Variants in FECH observed in about 807,000 individuals in gnomAD.
The protein encoded by FECH is ferrochelatase, mitochondrial.
In FECH, 40 loss-of-function variants were observed where a neutral mutation model predicts 56.9. The observed-to-expected ratio is 0.70, with a 90% confidence interval of 0.55 to 0.92. The LOEUF is 0.92. Ranked by LOEUF, FECH falls within the 40% of genes least tolerant of loss-of-function variation. The probability of loss-of-function intolerance (pLI) is 0.00; values close to 1 mark genes in which losing one functional copy is unlikely to be tolerated. For missense variants in FECH, 431 were observed against 529.1 expected, an observed-to-expected ratio of 0.81 and a Z score of 1.82; for synonymous variants, 175 against 198.6, an observed-to-expected ratio of 0.88 and a Z score of 1.00.
intron 2 of FECH, among the ~76,000 whole-genome samples, chr18:57,577,130 T>C (rs991998380): frequency 5.3e-5 from 8 of 152,160 alleles, no homozygotes; most frequent in Non-Finnish European, 7.4e-5. Context: ...GAAAAAGTAA[T>C]ACGATCCCAG....
chr18:57,556,910 C>CAA (rs57650194), intron 7 of FECH, among the ~76,000 whole-genome samples: 1 of 44,370 alleles, frequency 2.3e-5, no homozygotes, highest in Non-Finnish European at 4.0e-5. Context: ...GACCCTGTCT[C>CAA]AAAAAAAAAA....
chr18:57,574,303 G>A (rs1454024769), intron 2 of FECH, among the ~76,000 whole-genome samples: 1 of 152,118 alleles, frequency 6.6e-6, no homozygotes, highest in African/African-American at 2.4e-5. Context: ...TTAAGTTATT[G>A]CTTGCTCCTC....
In FECH at chr18:57,550,512, A is replaced by G; in HGVS notation, c.*200T>C. The G allele has an allele frequency of 3.4e-6, 2 of 589,880 alleles. No individual in the cohort carries two copies. Among genetic ancestry groups the G allele is most frequent in the Non-Finnish European group, 5.9e-6 (2 of 340,664 alleles). 36.5% of individuals were successfully genotyped at this position (589,880 alleles called of 1,614,324 possible). A position where few individuals can be genotyped will look rare whatever the true frequency, so the allele number is the denominator to read the frequency against. On this transcript the variant is annotated 3_prime_UTR_variant, in exon 11 of 11. Coordinates refer to ENST00000262093, the MANE Select transcript of FECH (RefSeq NM_000140.5). ...TTATACCTAGAGAGAGAAAATACAA[A>G]TGCTTACTGTATAGTTATATAAAAA...
At chr18:57,580,017 T>C in intron 2 of FECH, 56 bp downstream of exon 2, 1 of 1,610,554 alleles carries the variant, frequency 6.2e-7, no homozygotes, top group Non-Finnish European at 8.5e-7. Context: ...TTGTGTCTAT[T>C]GGTGTCTGCA....
chr18:57,551,521 A>G, intron 9 of FECH, 147 bp from the exon 10 acceptor site: 1 of 684,140 alleles, frequency 1.5e-6, no homozygotes, highest in South Asian at 1.6e-5. Context: ...ACTGCTCATT[A>G]ATGAAAAATA....
At position 57,547,015 on chromosome 18, in the gene FECH, T is replaced by C. The variant is rs2050729513; in HGVS notation, c.*3697A>G. ...CCTGCCGGGTTTCAGACTTGCACAGTGGAGTGCAGTGGTGCATGGGGCCTG... is the reference window on the plus strand; with the variant it reads ...CCTGCCGGGTTTCAGACTTGCACAGCGGAGTGCAGTGGTGCATGGGGCCTG... On this transcript the variant is annotated 3_prime_UTR_variant, in exon 11 of 11. Transcript: ENST00000262093. 6.6e-6 allele frequency among the ~76,000 whole-genome samples: 1 copy of C among 151,614 alleles called. No individual in the cohort carries two copies. Among genetic ancestry groups the C allele is most frequent in the African/African-American group, 2.4e-5 (1 of 41,224 alleles).
intron 7 of FECH, among the ~76,000 whole-genome samples, chr18:57,558,212 T>G (rs2050892779): frequency 6.6e-6 from 1 of 152,264 alleles, no homozygotes; most frequent in Admixed American, 6.5e-5. Context: ...TAGGATAGAA[T>G]GCTAGTTCTG....
chr18:57,583,721 G>T (rs556639854), intron 1 of FECH, among the ~76,000 whole-genome samples: 2 of 152,310 alleles, frequency 1.3e-5, no homozygotes, highest in South Asian at 4.1e-4. Flanking sequence ...AGCACTTTGG[G>T]AGGCCGAGGC....
Position 57,580,300 on chromosome 18 carries a change from T to A in FECH, c.68-101A>T, listed in dbSNP as rs906454901. 8.4e-6 allele frequency: 12 copies of A among 1,434,554 alleles called. No homozygotes were observed. The African/African-American group carries it at 1.3e-4, about 15-fold the overall frequency. 88.9% of individuals were successfully genotyped at this position (1,434,554 alleles called of 1,614,324 possible). A position where few individuals can be genotyped will look rare whatever the true frequency, so the allele number is the denominator to read the frequency against. On this transcript the variant is annotated intron_variant, in intron 1 of 10. Transcript: ENST00000262093. ...TTCCTGACTTTAAAATTTAAAGAGA[T>A]CCCATGGCAGAAATGATTTTCCTAG...
At position 57,551,170 on chromosome 18, in the gene FECH, G is replaced by A. The variant is rs1445316679; in HGVS notation, c.1137+145C>T. 4 of 699,576 alleles carry A rather than the reference G, an allele frequency of 5.7e-6. No homozygotes were observed. In the East Asian group the frequency reaches 1.1e-4, roughly 19 times the overall value. 43.3% of individuals were successfully genotyped at this position (699,576 alleles called of 1,614,324 possible). On this transcript the variant is annotated intron_variant, in intron 10 of 10. Coordinates refer to ENST00000262093, the MANE Select transcript of FECH (RefSeq NM_000140.5). ...GGCTATCTGAAGGAAAAAAGACTGA[G>A]CAGATAAGGAATTCGATTTTATTTT...
chr18:57,550,785 G>T lies in FECH; in HGVS notation c.1199C>A (p.Thr400Asn), dbSNP rs781302666. The change falls in exon 11 of 11, where the codon ACC becomes AAC. Residue 400 changes from threonine (T) to asparagine (N), a missense_variant. Thr to Asn is a moderately conservative substitution (Grantham distance 65). Transcript: ENST00000262093. ...ATTGACACAGAGCGGACAGCTCAGGGTCAGCTGCTTGGAACACAGCTCGTT... is the reference window on the plus strand; with the variant it reads ...ATTGACACAGAGCGGACAGCTCAGGTTCAGCTGCTTGGAACACAGCTCGTT... ...QSNELCSKQL[T>N]LSCPLCVNPV... is the part of the protein sequence containing the mutation. The T allele has an allele frequency of 1.9e-6, 3 of 1,614,166 alleles. 1 individual carries two copies. The South Asian group carries it at 3.3e-5, about 18-fold the overall frequency.
chr18:57,554,144 C>A, intron 9 of FECH, 116 bp downstream of exon 9: 1 of 1,072,790 alleles, frequency 9.3e-7, no homozygotes, highest in Non-Finnish European at 1.4e-6. Context: ...ATGAGGACAC[C>A]GTACATGCAA....
chr18:57,586,310 A>G (rs982270640), intron 1 of FECH, among the ~76,000 whole-genome samples: 2 of 152,208 alleles, frequency 1.3e-5, no homozygotes, highest in Non-Finnish European at 2.9e-5. Flanking sequence ...CAAGCCACCC[A>G]GCCGACCGAT....
chr18:57,566,871 A>G (rs75944325), intron 4 of FECH, among the ~76,000 whole-genome samples: 3,689 of 152,244 alleles, frequency 0.024, 147 homozygotes, highest in African/African-American at 0.084. Context: ...TGGCTGGCAT[A>G]AGAGAGCCTC....
chr18:57,555,066 C>T, intron 7 of FECH, 114 bp from the exon 8 acceptor site: 1 of 795,722 alleles, frequency 1.3e-6, no homozygotes. Context: ...CTTTCTGTCT[C>T]CTGCACCAAT....
chr18:57,559,117 G>A (rs761187760), intron 7 of FECH, 28 bp downstream of exon 7: 19 of 1,434,494 alleles, frequency 1.3e-5, no homozygotes, highest in South Asian at 1.1e-4. Flanking sequence ...TCTATCACTA[G>A]GTCATCCCAG....
chr18:57,556,463 C>A (rs956424395), intron 7 of FECH, among the ~76,000 whole-genome samples: 8 of 152,292 alleles, frequency 5.3e-5, no homozygotes, highest in Non-Finnish European at 1.0e-4. Flanking sequence ...GCATCACAGA[C>A]CCCCGGGTGT....
chr18:57,574,428 G>A lies in FECH; in HGVS notation c.195-1063C>T, dbSNP rs1195654291. Among the ~76,000 whole-genome samples, 5 of 151,976 alleles carry A rather than the reference G, an allele frequency of 3.3e-5. 1 individual carries two copies. The highest frequency in any genetic ancestry group is 4.2e-4 in the South Asian group (2 of 4,794). On this transcript the variant is annotated intron_variant, in intron 2 of 10. Transcript: ENST00000262093. ...TGTGTAGATAATTCCTGCAAGAACC[G>A]GTGCTAACATTCAAATTAGTCCCAG...
chr18:57,571,739 G>A, intron 3 of FECH, 199 bp from the exon 4 acceptor site: 1 of 663,194 alleles, frequency 1.5e-6, no homozygotes, highest in South Asian at 1.9e-5. Flanking sequence ...TACCCTCTCT[G>A]AGGAATACCC....
Sources: gnomAD v4.1 joint callset for allele counts (sites outside exome capture counted in the v4.1 genomes callset) on GRCh38, gnomAD v4.1.1 for gene constraint, MANE v1.5 for transcripts, NCBI Gene and HGNC (gene_info 2026-07-23, HGNC 2026-07-21) for gene names.